Variants in LOXL3 observed in about 807,000 individuals in gnomAD.
LOXL3 encodes the protein lysyl oxidase homolog 3.
LOXL3 carries 60 observed loss-of-function variants against 91.8 expected under a neutral mutation model. That is an observed-to-expected ratio of 0.65 (90% CI 0.53 to 0.81). The LOEUF is 0.81. Among genes scored for constraint, LOXL3 ranks in the 30% least tolerant of loss-of-function variants. LOXL3 has a pLI of 0.00. For missense variants in LOXL3, 874 were observed against 1,000.4 expected (o/e 0.87, Z 1.70); for synonymous variants, 355 against 387.6 (o/e 0.92, Z 0.99).
rs1675971126 is a variant in LOXL3, at chr2:74,535,646, A to G, written c.1358T>C (p.Leu453Pro). 14 of 1,613,860 alleles carry G rather than the reference A, an allele frequency of 8.7e-6. No homozygotes were observed. The highest frequency in any genetic ancestry group is 1.1e-5 in the Non-Finnish European group (13 of 1,179,978). ...TTGCCTACAGGCCACCATGGCCTCC[A>G]GGGTCCCCCAGTCATCCCCACAGAT... ...GLICGDDWGTLEAMVACRQLG... is the reference protein window; with the variant it reads ...GLICGDDWGTPEAMVACRQLG... Residue 453 changes from leucine (L) to proline (P), a missense_variant, in exon 8 of 14, where the codon CTG becomes CCG. Transcript: ENST00000264094. This position sits in a 1 kb window ranked among gnomAD's most constrained non-coding sequence, Gnocchi z 4.2.
Position 74,535,704 on chromosome 2 carries a change from T to C in LOXL3, c.1300A>G (p.Ile434Val), listed in dbSNP as rs1299252092. ...SQHEGRVEVQ[I>V]GGPGPLRWGL... The stretch of plus-strand genomic sequence containing the variant: ...CAGCGAAGGGGCCCAGGTCCCCCTA[T>C]TTGCACCTCGACTCGCCCCTCATGT... The change falls in exon 8 of 14, where the codon ATA becomes GTA. Residue 434 changes from isoleucine to valine, a missense_variant. Physicochemically the swap from Ile to Val is conservative, Grantham distance 29 (BLOSUM62 3). Coordinates refer to ENST00000264094, the MANE Select transcript of LOXL3 (RefSeq NM_032603.5). The surrounding 1 kb of genome is among the most constrained non-coding windows in gnomAD (Gnocchi z 4.2). 6.2e-7 allele frequency: 1 copy of C among 1,604,170 alleles called. No homozygotes were observed. The highest frequency in any genetic ancestry group is 8.5e-7 in the Non-Finnish European group (1 of 1,177,114).
chr2:74,536,434 T>C lies in LOXL3; in HGVS notation c.950A>G (p.Glu317Gly), dbSNP rs1676027518. 6.2e-7 allele frequency: 1 copy of C among 1,613,824 alleles called. No individual in the cohort carries two copies. Among genetic ancestry groups the C allele is most frequent in the South Asian group, 1.1e-5 (1 of 91,060 alleles). The change falls in exon 6 of 14, where the codon GAG becomes GGG. Residue 317 changes from glutamate (E) to glycine (G), a missense_variant. Physicochemically the swap from Glu to Gly is moderately conservative, Grantham distance 98. Transcript: ENST00000264094. This position sits in a 1 kb window ranked among gnomAD's most constrained non-coding sequence, Gnocchi z 4.5. ...GGCCTTCAGGACTTCTACCCGGCCC[T>C]CTCCAGGGTGGGCGCCGCCCTTTAG... is the stretch of plus-strand genomic sequence containing the variant. ...VRLKGGAHPG[E>G]GRVEVLKAST... is the part of the protein sequence containing the mutation.
At position 74,534,631 on chromosome 2, in the gene LOXL3, G is replaced by A. The variant is rs1311623928; in HGVS notation, c.1723C>T (p.Arg575Trp). The A allele has an allele frequency of 3.1e-6, 5 of 1,614,068 alleles. No individual in the cohort carries two copies. The highest frequency in any genetic ancestry group is 2.2e-5 in the East Asian group (1 of 44,894). Residue 575 changes from arginine to tryptophan, a missense_variant, in exon 10 of 14, where the codon CGG becomes TGG. Physicochemically the swap from Arg to Trp is moderately radical, Grantham distance 101 (BLOSUM62 -3). Transcript: ENST00000264094. ...ARSANWPYGHRRLLRFSSQIH... is the reference protein window; with the variant it reads ...ARSANWPYGHWRLLRFSSQIH... Reference sequence around the variant, plus strand: ...TGGGAGGAGAATCGGAGCAGACGCCGGTGACCATAGGGCCAGTTGGCTGAG... The same window carrying A: ...TGGGAGGAGAATCGGAGCAGACGCCAGTGACCATAGGGCCAGTTGGCTGAG...
chr2:74,536,550 A>AGACTTTG lies in LOXL3; in HGVS notation c.913-86_913-80dup, dbSNP rs1182301260. ...GCTAAGCAGACCTGGGAGATGAGTG[A>AGACTTTG]GACTTTGGTGGAAGGGAGTGGGTGG... is the stretch of plus-strand genomic sequence containing the variant. On this transcript the variant is annotated intron_variant, in intron 5 of 13. Transcript: ENST00000264094. The surrounding 1 kb of genome is among the most constrained non-coding windows in gnomAD (Gnocchi z 4.5). 1 of 1,506,580 alleles carries AGACTTTG rather than the reference A, an allele frequency of 6.6e-7. No individual in the cohort carries two copies. The highest frequency in any genetic ancestry group is 2.4e-5 in the East Asian group (1 of 42,254). 93.3% of individuals were successfully genotyped at this position (1,506,580 alleles called of 1,614,324 possible).
rs1675688253 is a variant in LOXL3 at position 74,532,558 on chromosome 2, T to G, written c.*1048A>C. The G allele has an allele frequency of 7.7e-7, 1 of 1,305,708 alleles. No homozygotes were observed. The highest frequency in any genetic ancestry group is 1.1e-6 in the Non-Finnish European group (1 of 906,784). The allele number at this position is 1,305,708 out of a possible 1,614,324, so 80.9% of individuals were successfully genotyped here. ...CAATGTGTTGATGAGAGACTTGAGG[T>G]GGAACTCAGGATGGGGAGAATGCCT... On this transcript the variant is annotated 3_prime_UTR_variant, in exon 14 of 14. Coordinates refer to ENST00000264094, the MANE Select transcript of LOXL3 (RefSeq NM_032603.5).
chr2:74,534,881 G>C (rs1675905922), intron 9 of LOXL3, 107 bp from the exon 10 acceptor site: 1 of 1,243,094 alleles, frequency 8.0e-7, no homozygotes, highest in Non-Finnish European at 1.1e-6. Flanking sequence ...TTTTGTTTTT[G>C]TTTGTTTGTT....
upstream of LOXL3, chr2:74,555,596 C>T (rs142834883): frequency 3.3e-5 from 53 of 1,614,216 alleles, no homozygotes; most frequent in African/African-American, 6.4e-4. The surrounding 1 kb of genome is among the most constrained non-coding windows in gnomAD (Gnocchi z 6.1). Context: ...GACTCTGGCG[C>T]CTACCGATAA....
chr2:74,555,527 C>A, upstream of LOXL3: 1 of 1,613,352 alleles, frequency 6.2e-7, no homozygotes. This position sits in a 1 kb window ranked among gnomAD's most constrained non-coding sequence, Gnocchi z 6.1. Flanking sequence ...GACCGACCCC[C>A]GCTCCCCGCT....
chr2:74,546,594 A>G (rs1434774609), intron 4 of LOXL3, among the ~76,000 whole-genome samples: 1 of 152,216 alleles, frequency 6.6e-6, no homozygotes, highest in East Asian at 1.9e-4. Context: ...CTTCCTAGAA[A>G]TGTTTATCTA....
intron 4 of LOXL3, among the ~76,000 whole-genome samples, chr2:74,542,647 A>G (rs1676389853): frequency 6.9e-6 from 1 of 144,620 alleles, no homozygotes; most frequent in South Asian, 2.2e-4. Flanking sequence ...TTTTTTTGAG[A>G]CAGAGTCTCG....
At chr2:74,544,390 A>G (rs557831427) in intron 4 of LOXL3, among the ~76,000 whole-genome samples, 14 of 152,364 alleles carry the variant, frequency 9.2e-5, no homozygotes, top group South Asian at 4.1e-4. Flanking sequence ...AATCCTTATG[A>G]TGGCCTATAA....
chr2:74,550,413 G>A, intron 2 of LOXL3, 65 bp from the exon 3 acceptor site: 1 of 1,538,222 alleles, frequency 6.5e-7, no homozygotes, highest in Non-Finnish European at 8.9e-7. Flanking sequence ...TAATGGGGAT[G>A]TAGGGAAGAG....
chr2:74,548,430 AATCCGAGCACGCTTCAGTCGGGGTTG>A lies in LOXL3; in HGVS notation c.692+913_692+938del, dbSNP rs1308163394. ...AGCTGCCGCAGTAGGAAGACAGTGT[AATCCGAGCACGCTTCAGTCGGGGTTG>A]AGGATTTCTACAGTAGCTGGCGGCA... On this transcript the variant is annotated intron_variant, in intron 4 of 13. Transcript: ENST00000264094. Among the ~76,000 whole-genome samples the A allele has an allele frequency of 8.5e-5, 13 of 152,354 alleles. No homozygotes were observed. In the East Asian group the frequency reaches 1.9e-3, roughly 23 times the overall value.
At chr2:74,544,812 A>G (rs1676512435) in intron 4 of LOXL3, among the ~76,000 whole-genome samples, 1 of 152,044 alleles carries the variant, frequency 6.6e-6, no homozygotes, top group South Asian at 2.1e-4. Context: ...CCTATCTTTC[A>G]TAATTGTAAT....
Position 74,534,178 on chromosome 2 carries a change from G to A in LOXL3, c.1998C>T (p.Cys666=), listed in dbSNP as rs1464708750. ...CAATGTCATGCCGGTAGAGATCCCA[G>A]CAACCCACAGTGATGCCTTGCTCTC... ...NFGEQGITVG[C]WDLYRHDIDC... is the part of the protein sequence containing the mutation. Residue 666 remains cysteine, a synonymous_variant, in exon 12 of 14, where the codon TGC becomes TGT. Coordinates refer to ENST00000264094, the MANE Select transcript of LOXL3 (RefSeq NM_032603.5). 1 of 1,614,144 alleles carries A rather than the reference G, an allele frequency of 6.2e-7. No homozygotes were observed. The highest frequency in any genetic ancestry group is 8.5e-7 in the Non-Finnish European group (1 of 1,180,008).
chr2:74,540,664 C>CTT lies in LOXL3; in HGVS notation c.693-3738_693-3737dup, dbSNP rs562377307. On this transcript the variant is annotated intron_variant, in intron 4 of 13. Transcript: ENST00000264094. The stretch of plus-strand genomic sequence containing the variant: ...CTTCCAGGGAAATAAATAATTTTTC[C>CTT]TTTTTTTTTTTTTTGGTCTTTGAGA... 3.1e-3 allele frequency among the ~76,000 whole-genome samples: 430 copies of CTT among 138,662 alleles called. 4 individuals carry two copies. Among genetic ancestry groups the CTT allele is most frequent in the African/African-American group, 0.011 (406 of 37,898 alleles). The allele number at this position is 138,662 out of a possible 152,430, so 91.0% of individuals were successfully genotyped here.
upstream of LOXL3, chr2:74,555,344 C>G: frequency 6.2e-7 from 1 of 1,613,892 alleles, no homozygotes; most frequent in East Asian, 2.2e-5. The surrounding 1 kb of genome is among the most constrained non-coding windows in gnomAD (Gnocchi z 6.1). Flanking sequence ...CCCCCTGAGC[C>G]CGGCGCCACT....
At chr2:74,542,991 T>A (rs1676407177) in intron 4 of LOXL3, among the ~76,000 whole-genome samples, 1 of 151,534 alleles carries the variant, frequency 6.6e-6, no homozygotes, top group Admixed American at 6.5e-5. Context: ...AAACTTCTAT[T>A]TTGTTAAATC....
intron 4 of LOXL3, among the ~76,000 whole-genome samples, chr2:74,545,874 C>A (rs1485612621): frequency 2.0e-5 from 3 of 152,188 alleles, no homozygotes; most frequent in African/African-American, 7.2e-5. Flanking sequence ...CTCAACTGAA[C>A]TCCAGAGTCC....
Sources: allele counts gnomAD v4.1 joint callset (sites outside exome capture counted in the v4.1 genomes callset), GRCh38; gene constraint gnomAD v4.1.1; non-coding constraint Gnocchi (gnomAD v3.1); transcripts MANE v1.5; gene names NCBI Gene and HGNC (gene_info 2026-07-23, HGNC 2026-07-21).